Variants in GABRB1 observed in about 807,000 individuals in gnomAD.
GABRB1 encodes gamma-aminobutyric acid type A receptor subunit beta1, also known as gamma-aminobutyric acid receptor subunit beta-1.
A neutral mutation model predicts 51.6 loss-of-function variants in GABRB1; 17 were observed. The observed-to-expected ratio is 0.33, with a 90% CI of 0.23 to 0.49. The LOEUF is 0.49. Among genes scored for constraint, GABRB1 ranks in the 20% least tolerant of loss-of-function variants. The probability of loss-of-function intolerance (pLI) is 0.99; values close to 1 mark genes in which losing one functional copy is unlikely to be tolerated. For missense variants in GABRB1, 410 were observed against 600.6 expected, an observed-to-expected ratio of 0.68 and a Z score of 3.32; for synonymous variants, 247 against 218.9, an observed-to-expected ratio of 1.13 and a Z score of -1.14.
chr4:47,333,981 T>A (rs559980617), intron 5 of GABRB1, among the ~76,000 whole-genome samples: 11 of 152,220 alleles, frequency 7.2e-5, no homozygotes, highest in African/African-American at 2.6e-4. Flanking sequence ...GACAAAAAAA[T>A]TTCACTGAAT....
chr4:47,410,766 G>A (rs1032762636), intron 8 of GABRB1, among the ~76,000 whole-genome samples: 1 of 152,234 alleles, frequency 6.6e-6, no homozygotes, highest in African/African-American at 2.4e-5. Context: ...AGAGTTTGGA[G>A]TTTGAATCCA....
intron 3 of GABRB1, among the ~76,000 whole-genome samples, chr4:47,085,709 C>G (rs1728028604): frequency 6.6e-6 from 1 of 152,300 alleles, no homozygotes; most frequent in African/African-American, 2.4e-5. Context: ...TTAACATTCT[C>G]TGGATTGACA....
At chr4:47,391,655 C>T (rs543625872) in intron 5 of GABRB1, among the ~76,000 whole-genome samples, 1 of 152,300 alleles carries the variant, frequency 6.6e-6, no homozygotes, top group South Asian at 2.1e-4. Flanking sequence ...CCAGACTTAC[C>T]TGTAAGGCCT....
At position 47,245,022 on chromosome 4, in the gene GABRB1, C is replaced by CA. The variant is rs1189870090; in HGVS notation, c.462-75098dup. ...AGCAGAACTGAAGGAGGTAGAGATA[C>CA]AAAAAAACCATTCAAAAAATCCGTG... is the stretch of plus-strand genomic sequence containing the variant. On this transcript the variant is annotated intron_variant, in intron 4 of 8. Transcript: ENST00000295454. Among the ~76,000 whole-genome samples the CA allele has an allele frequency of 2.6e-5, 4 of 151,906 alleles. No individual in the cohort carries two copies. In the East Asian group the frequency reaches 7.7e-4, roughly 29 times the overall value.
chr4:47,376,392 A>G (rs1361953607), intron 5 of GABRB1, among the ~76,000 whole-genome samples: 1 of 152,218 alleles, frequency 6.6e-6, no homozygotes, highest in Non-Finnish European at 1.5e-5. Flanking sequence ...CACGCCTGTA[A>G]TCCCAGCACT....
intron 4 of GABRB1, among the ~76,000 whole-genome samples, chr4:47,313,759 T>C (rs879504792): frequency 6.6e-6 from 1 of 152,098 alleles, no homozygotes; most frequent in Non-Finnish European, 1.5e-5. Flanking sequence ...CTAACATAGA[T>C]TCATGAATAT....
intron 5 of GABRB1, among the ~76,000 whole-genome samples, chr4:47,357,442 T>G (rs997451792): frequency 6.6e-6 from 1 of 152,222 alleles, no homozygotes; most frequent in African/African-American, 2.4e-5. Context: ...CTTATCTGTC[T>G]CCCACCTTGT....
chr4:47,325,070 T>C (rs1725211500), intron 5 of GABRB1, among the ~76,000 whole-genome samples: 1 of 152,222 alleles, frequency 6.6e-6, no homozygotes, highest in African/African-American at 2.4e-5. Flanking sequence ...TTTGACTCCC[T>C]CTAACCCAAT....
intron 3 of GABRB1, among the ~76,000 whole-genome samples, chr4:47,057,116 A>T (rs1280512928): frequency 6.6e-6 from 1 of 152,098 alleles, no homozygotes; most frequent in Non-Finnish European, 1.5e-5. Flanking sequence ...AAAAACAAAC[A>T]AACAAACAAA....
intron 3 of GABRB1, among the ~76,000 whole-genome samples, chr4:47,113,318 G>A (rs559882724): frequency 1.8e-4 from 28 of 151,440 alleles, no homozygotes; most frequent in Middle Eastern, 3.4e-3. Context: ...CCTGGGAGGC[G>A]GAGGTTGCAG....
At chr4:47,288,395 T>C (rs1723595744) in intron 4 of GABRB1, among the ~76,000 whole-genome samples, 1 of 152,064 alleles carries the variant, frequency 6.6e-6, no homozygotes, top group African/African-American at 2.4e-5. Flanking sequence ...CCCAAGTAGC[T>C]GGGACTACAG....
chr4:47,002,273 G>A (rs1724254952), intron 1 of GABRB1, among the ~76,000 whole-genome samples: 1 of 152,162 alleles, frequency 6.6e-6, no homozygotes, highest in Admixed American at 6.5e-5. Flanking sequence ...CAAGCTTTGG[G>A]TAAAAAAGTA....
At chr4:47,409,826 T>A (rs1728702518) in intron 8 of GABRB1, among the ~76,000 whole-genome samples, 1 of 152,248 alleles carries the variant, frequency 6.6e-6, no homozygotes, top group Admixed American at 6.5e-5. Context: ...GCAAACACTT[T>A]CAGCTTTTGA....
intron 3 of GABRB1, among the ~76,000 whole-genome samples, chr4:47,040,363 A>T (rs1026504792): frequency 2.0e-5 from 3 of 152,290 alleles, no homozygotes; most frequent in Admixed American, 1.3e-4. Flanking sequence ...GAGGTGATAG[A>T]TGCCTAAACT....
intron 4 of GABRB1, among the ~76,000 whole-genome samples, chr4:47,231,759 A>G (rs1721152507): frequency 6.6e-6 from 1 of 152,164 alleles, no homozygotes; most frequent in Non-Finnish European, 1.5e-5. Context: ...CCACTGTGAA[A>G]GCCTATTGTT....
intron 5 of GABRB1, among the ~76,000 whole-genome samples, chr4:47,340,346 G>T (rs1404462911): frequency 6.6e-6 from 1 of 152,134 alleles, no homozygotes; most frequent in Non-Finnish European, 1.5e-5. Context: ...TCATCTGGCA[G>T]CAGTTGCCTC....
Position 47,425,981 on chromosome 4 carries a change from T to C in GABRB1, c.1388T>C (p.Leu463Pro). Residue 463 changes from leucine to proline, a missense_variant, in exon 9 of 9, where the codon CTT (leucine) becomes CCT (proline). Leu to Pro is a moderately conservative substitution (Grantham distance 98). Coordinates refer to ENST00000295454, the MANE Select transcript of GABRB1 (RefSeq NM_000812.4). ...ATGTTTTTCCCCATCACCTTTTCTC[T>C]TTTTAATGTCGTCTATTGGCTTTAC... ...SRMFFPITFS[L>P]FNVVYWLYYV... The C allele has an allele frequency of 6.2e-7, 1 of 1,607,592 alleles. No homozygotes were observed. The highest frequency in any genetic ancestry group is 8.5e-7 in the Non-Finnish European group (1 of 1,175,932).
intron 4 of GABRB1, among the ~76,000 whole-genome samples, chr4:47,203,884 A>G (rs1221055791): frequency 6.6e-6 from 1 of 152,018 alleles, no homozygotes; most frequent in African/African-American, 2.4e-5. Context: ...AGCCTTTTCC[A>G]TTTGCTCATT....
intron 3 of GABRB1, among the ~76,000 whole-genome samples, chr4:47,157,775 T>C (rs1451320954): frequency 6.6e-6 from 1 of 152,010 alleles, no homozygotes; most frequent in Non-Finnish European, 1.5e-5. Flanking sequence ...TTCAAAAAGG[T>C]TTTATTAAGG....
Sources: gnomAD v4.1 joint callset for allele counts (sites outside exome capture counted in the v4.1 genomes callset) on GRCh38, gnomAD v4.1.1 for gene constraint, MANE v1.5 for transcripts, NCBI Gene and HGNC (gene_info 2026-07-23, HGNC 2026-07-21) for gene names.